Variants in LTA4H observed in about 807,000 individuals in gnomAD.
LTA4H encodes leukotriene A-4 hydrolase.
LTA4H carries 59 observed loss-of-function variants against 89.8 expected under a neutral mutation model. The ratio of observed to expected loss-of-function variants is 0.66; its 90% CI spans 0.53 to 0.82. LTA4H has a LOEUF of 0.82. Among genes scored for constraint, LTA4H ranks in the 40% least tolerant of loss-of-function variants. The pLI is 0.00. For synonymous variants in LTA4H, 227 were observed against 253.1 expected (o/e 0.90, Z 0.98); for missense variants, 617 against 727.0 (o/e 0.85, Z 1.74).
At position 96,003,030 on chromosome 12, in the gene LTA4H, C is replaced by T; in HGVS notation, c.1648G>A (p.Asp550Asn). ...ATCTTTAGCGCCAAAGGAATTGCGT[C>T]CTCCCACTTGGATTGAATGCAGAGC... is the stretch of plus-strand genomic sequence containing the variant. ...LRLCIQSKWEDAIPLALKMAT... is the reference protein window; with the variant it reads ...LRLCIQSKWENAIPLALKMAT... The change falls in exon 18 of 19, where the codon GAC becomes AAC. Residue 550 changes from aspartate to asparagine, a missense_variant. Asp to Asn is a conservative substitution (Grantham distance 23). Around this residue, in one of 3 missense-constraint regions of LTA4H, gnomAD observed 290 missense variants for 339.1 expected, o/e 0.86. Coordinates refer to ENST00000228740, the MANE Select transcript of LTA4H (RefSeq NM_000895.3). The T allele has an allele frequency of 6.2e-7, 1 of 1,604,398 alleles. No individual in the cohort carries two copies. The highest frequency in any genetic ancestry group is 8.5e-7 in the Non-Finnish European group (1 of 1,174,974).
At chr12:96,019,899 G>A (rs1381947109) in intron 6 of LTA4H, among the ~76,000 whole-genome samples, 2 of 120,930 alleles carry the variant, frequency 1.7e-5, no homozygotes, top group Non-Finnish European at 3.5e-5. Context: ...CACGCCCAGC[G>A]TTTTTTTTTT....
Position 96,022,076 on chromosome 12 carries a change from C to T in LTA4H, c.585+71G>A, listed in dbSNP as rs1950458920. On this transcript the variant is annotated intron_variant, in intron 5 of 18. Coordinates refer to ENST00000228740, the MANE Select transcript of LTA4H (RefSeq NM_000895.3). This position sits in a 1 kb window ranked among gnomAD's most constrained non-coding sequence, Gnocchi z 4.0. ...TGAAATATTTCAAAAGTAATTTTGCCCTCTGGATGTGTACAAGCTAACTGT... is the reference window on the plus strand; with the variant it reads ...TGAAATATTTCAAAAGTAATTTTGCTCTCTGGATGTGTACAAGCTAACTGT... 1.1e-6 allele frequency: 1 copy of T among 874,830 alleles called. No individual in the cohort carries two copies. Among genetic ancestry groups the T allele is most frequent in the Middle Eastern group, 2.2e-4 (1 of 4,472 alleles). 54.2% of individuals were successfully genotyped at this position (874,830 alleles called of 1,614,324 possible).
chr12:96,017,990 C>T (rs928396001), intron 8 of LTA4H, among the ~76,000 whole-genome samples: 2 of 152,116 alleles, frequency 1.3e-5, no homozygotes, highest in African/African-American at 2.4e-5. Flanking sequence ...TAATCCATCA[C>T]TCATTTTGGT....
chr12:96,013,696 C>A, intron 13 of LTA4H, 54 bp downstream of exon 13: 1 of 915,590 alleles, frequency 1.1e-6, no homozygotes, highest in South Asian at 1.4e-5. Flanking sequence ...CCTAATCAGT[C>A]AATAAATAGA....
At chr12:96,025,623 G>C (rs1950505076) in intron 3 of LTA4H, among the ~76,000 whole-genome samples, 1 of 152,070 alleles carries the variant, frequency 6.6e-6, no homozygotes, top group South Asian at 2.1e-4. Flanking sequence ...TTGAGCTCTA[G>C]AATTTGAGAC....
chr12:96,032,600 T>A (rs1412727771), intron 1 of LTA4H, among the ~76,000 whole-genome samples: 1 of 152,208 alleles, frequency 6.6e-6, no homozygotes, highest in Non-Finnish European at 1.5e-5. Context: ...AACTAATTAA[T>A]AAGGATAAGC....
chr12:96,034,410 T>C (rs1340686642), intron 1 of LTA4H, among the ~76,000 whole-genome samples: 2 of 152,346 alleles, frequency 1.3e-5, no homozygotes, highest in East Asian at 3.8e-4. Context: ...GATAAAATCA[T>C]TGAATAATAT....
Position 96,000,753 on chromosome 12 carries a change from T to G in LTA4H, c.*236A>C. 3.0e-6 allele frequency: 1 copy of G among 337,588 alleles called. No homozygotes were observed. The highest frequency in any genetic ancestry group is 5.5e-6 in the Non-Finnish European group (1 of 182,628). The allele number at this position is 337,588 out of a possible 1,614,324, so 20.9% of individuals were successfully genotyped here. A position where few individuals can be genotyped will look rare whatever the true frequency, so the allele number is the denominator to read the frequency against. ...TGATCATACTGAGAGAAAATTAATA[T>G]AAAGCTAATTCAAAATTTTTTAATT... On this transcript the variant is annotated 3_prime_UTR_variant, in exon 19 of 19. Transcript: ENST00000228740.
rs750519066 is a variant in LTA4H, at chr12:96,018,901, A to T, written c.714T>A (p.Thr238=). ...VEKSAYEFSE[T]ESMLKIAEDL... ...CTTCTGCTATTTTAAGCATAGATTC[A>T]GTCTGAAAAATCAACATATATATGT... The change falls in exon 8 of 19, where the codon ACT becomes ACA. Residue 238 remains threonine (T), a splice_region_variant and synonymous_variant. Coordinates refer to ENST00000228740, the MANE Select transcript of LTA4H (RefSeq NM_000895.3). 1.9e-6 allele frequency: 3 copies of T among 1,576,952 alleles called. No homozygotes were observed. Among genetic ancestry groups the T allele is most frequent in the Non-Finnish European group, 8.6e-7 (1 of 1,166,228 alleles).
At chr12:96,023,758 C>T in intron 4 of LTA4H, among the ~76,000 whole-genome samples, 1 of 152,222 alleles carries the variant, frequency 6.6e-6, no homozygotes, top group Non-Finnish European at 1.5e-5. Context: ...GAATTGCATA[C>T]AGACAAGTCT....
chr12:96,004,535 C>T (rs1950166315), intron 16 of LTA4H, among the ~76,000 whole-genome samples: 1 of 152,112 alleles, frequency 6.6e-6, no homozygotes, highest in African/African-American at 2.4e-5. Context: ...CCTTAACTCA[C>T]CCTAAAAGGG....
chr12:96,009,409 T>C (rs1270656791), intron 14 of LTA4H: 7 of 471,774 alleles, frequency 1.5e-5, no homozygotes, highest in South Asian at 1.4e-4. Flanking sequence ...AGCAAAAGAC[T>C]GTCATGTGCT....
At chr12:96,043,207 A>G (rs964696550) in intron 1 of LTA4H, 2 of 975,566 alleles carry the variant, frequency 2.1e-6, no homozygotes, top group South Asian at 1.4e-5. Context: ...TGTCGGGTAG[A>G]CCCGGGAGGT....
chr12:96,015,076 T>C, intron 11 of LTA4H, 77 bp from the exon 12 acceptor site: 2 of 1,354,154 alleles, frequency 1.5e-6, no homozygotes, highest in Non-Finnish European at 2.0e-6. Flanking sequence ...TAAGGAGGTA[T>C]TACTTCACTC....
intron 16 of LTA4H, 46 bp from the exon 17 acceptor site, chr12:96,003,966 C>A: frequency 8.3e-7 from 1 of 1,204,532 alleles, no homozygotes; most frequent in Non-Finnish European, 1.2e-6. Flanking sequence ...CAACAGGATT[C>A]CTTGGAAGAA....
chr12:96,036,229 A>G (rs1950645630), upstream of LTA4H, among the ~76,000 whole-genome samples: 1 of 152,218 alleles, frequency 6.6e-6, no homozygotes, highest in Non-Finnish European at 1.5e-5. Context: ...CCCATCTTAG[A>G]AACTAATGAA....
rs968418137 is a variant in LTA4H at position 96,012,026 on chromosome 12, G to A, written c.1379+1162C>T. ...AACACAAAATTCGAAACATTCTATC[G>A]TAATCACCCCTCCCTACCTGAGCTC... On this transcript the variant is annotated intron_variant, in intron 14 of 18. Transcript: ENST00000228740. 2 of 152,056 alleles carry A rather than the reference G, an allele frequency of 1.3e-5. 1 individual carries two copies. The highest frequency in any genetic ancestry group is 4.8e-5 in the African/African-American group (2 of 41,392). The allele number at this position is 152,056 out of a possible 1,614,324, so 9.4% of individuals were successfully genotyped here. A position where few individuals can be genotyped will look rare whatever the true frequency, so the allele number is the denominator to read the frequency against.
At chr12:96,011,397 CAATG>C (rs982667650) in intron 14 of LTA4H, 2 of 152,174 alleles carry the variant, frequency 1.3e-5, no homozygotes, top group African/African-American at 4.8e-5. Context: ...GCTTTCTTAA[CAATG>C]AACCTTTGAA....
chr12:96,018,730 G>A (rs199734594), intron 8 of LTA4H, 33 bp downstream of exon 8: 30 of 1,486,468 alleles, frequency 2.0e-5, no homozygotes, highest in East Asian at 9.4e-5. Context: ...TTTTTGAAAC[G>A]TCAATTTCAA....
Sources: allele counts gnomAD v4.1 joint callset (sites outside exome capture counted in the v4.1 genomes callset), GRCh38; gene constraint gnomAD v4.1.1; regional missense constraint gnomAD v4.1.1; non-coding constraint Gnocchi (gnomAD v3.1); transcripts MANE v1.5; gene names NCBI Gene and HGNC (gene_info 2026-07-23, HGNC 2026-07-21).